Variants in ROBO1 observed in about 807,000 individuals in gnomAD.
The protein encoded by ROBO1 is roundabout guidance receptor 1, also known as roundabout homolog 1.
ROBO1 carries 149 observed loss-of-function variants against 195.9 expected under a neutral mutation model. The ratio of observed to expected loss-of-function variants is 0.76; its 90% CI spans 0.67 to 0.87. ROBO1 has a LOEUF of 0.87. Ranked by LOEUF, ROBO1 falls within the 40% of genes least tolerant of loss-of-function variation. ROBO1 has a pLI of 0.00. For missense variants in ROBO1, 1,933 were observed against 2,068.3 expected (o/e 0.93, Z 1.27); for synonymous variants, 816 against 733.2 (o/e 1.11, Z -1.82).
chr3:79,764,567 T>C (rs958415614), intron 1 of ROBO1, among the ~76,000 whole-genome samples: 1 of 152,234 alleles, frequency 6.6e-6, no homozygotes, highest in Non-Finnish European at 1.5e-5. Context: ...TTTTTTTCAT[T>C]TAAAATTCAC....
intron 4 of ROBO1, among the ~76,000 whole-genome samples, chr3:78,785,438 T>G (rs1381369730): frequency 6.6e-6 from 1 of 152,192 alleles, no homozygotes; most frequent in Non-Finnish European, 1.5e-5. Context: ...ATTTTACTGC[T>G]TCACTGCTTT....
chr3:78,811,284 T>G (rs2084730639), intron 4 of ROBO1, among the ~76,000 whole-genome samples: 1 of 152,140 alleles, frequency 6.6e-6, no homozygotes, highest in Admixed American at 6.6e-5. Flanking sequence ...TCAACTAAAG[T>G]TGGTTCAAGT....
chr3:79,020,971 G>T (rs961582682), intron 3 of ROBO1, among the ~76,000 whole-genome samples: 1 of 152,094 alleles, frequency 6.6e-6, no homozygotes, highest in African/African-American at 2.4e-5. Context: ...TTACCTAATG[G>T]AAGATAAAAA....
chr3:79,465,509 C>A (rs1937910546), intron 2 of ROBO1, among the ~76,000 whole-genome samples: 2 of 152,140 alleles, frequency 1.3e-5, no homozygotes, highest in Admixed American at 1.3e-4. Flanking sequence ...GGTTTTATAT[C>A]AAATTGAATA....
chr3:79,753,546 A>G (rs1374683514), intron 1 of ROBO1, among the ~76,000 whole-genome samples: 4 of 152,198 alleles, frequency 2.6e-5, no homozygotes, highest in African/African-American at 9.6e-5. Flanking sequence ...CCTGATGTTG[A>G]GCAAGCAGTA....
intron 4 of ROBO1, among the ~76,000 whole-genome samples, chr3:78,910,170 T>C (rs2038160717): frequency 6.6e-6 from 1 of 151,808 alleles, no homozygotes; most frequent in South Asian, 2.1e-4. Context: ...TGAAAATGAA[T>C]AATCTTCAAT....
chr3:79,587,886 C>T (rs1196018852), intron 2 of ROBO1, among the ~76,000 whole-genome samples: 2 of 151,822 alleles, frequency 1.3e-5, no homozygotes, highest in Non-Finnish European at 2.9e-5. Context: ...AAATGACTTC[C>T]ACTCTGCAGG....
intron 1 of ROBO1, among the ~76,000 whole-genome samples, chr3:79,632,510 T>A (rs1945375177): frequency 6.6e-6 from 1 of 152,082 alleles, no homozygotes. Flanking sequence ...GGTTTAAAAA[T>A]TACCCATTGG....
At chr3:78,795,584 C>A (rs1302467079) in intron 4 of ROBO1, among the ~76,000 whole-genome samples, 2 of 152,210 alleles carry the variant, frequency 1.3e-5, no homozygotes, top group Non-Finnish European at 2.9e-5. Context: ...GTGAGAGGCA[C>A]AACGGTAAAC....
At chr3:79,745,177 A>C (rs1245380833) in intron 1 of ROBO1, among the ~76,000 whole-genome samples, 1 of 152,154 alleles carries the variant, frequency 6.6e-6, no homozygotes, top group East Asian at 1.9e-4. Context: ...TTATCACCAC[A>C]TTGTCCTTGG....
At chr3:78,827,726 T>C (rs185295547) in intron 4 of ROBO1, among the ~76,000 whole-genome samples, 3 of 152,304 alleles carry the variant, frequency 2.0e-5, no homozygotes, top group African/African-American at 7.2e-5. Flanking sequence ...AATGTGCTAA[T>C]GTGGCGGCTC....
At chr3:78,783,299 T>G (rs986285822) in intron 4 of ROBO1, among the ~76,000 whole-genome samples, 1 of 152,162 alleles carries the variant, frequency 6.6e-6, no homozygotes, top group African/African-American at 2.4e-5. Context: ...AACAATATAT[T>G]TTTTTAAAAA....
At position 79,242,155 on chromosome 3, in the gene ROBO1, A is replaced by G. The variant is rs574377772; in HGVS notation, c.89-116616T>C. Among the ~76,000 whole-genome samples, 32 of 152,166 alleles carry G rather than the reference A, an allele frequency of 2.1e-4. 1 individual carries two copies. The South Asian group carries it at 6.6e-3, about 32-fold the overall frequency. Reference sequence around the variant, plus strand: ...TAGGAATTGAAGCAGCTGCCTTAGAACAAGATGTGAAATTTCTGTGTTGAA... The same window carrying G: ...TAGGAATTGAAGCAGCTGCCTTAGAGCAAGATGTGAAATTTCTGTGTTGAA... On this transcript the variant is annotated intron_variant, in intron 2 of 30. Transcript: ENST00000464233.
At chr3:79,503,043 C>T (rs755177426) in intron 2 of ROBO1, among the ~76,000 whole-genome samples, 2 of 152,134 alleles carry the variant, frequency 1.3e-5, no homozygotes, top group African/African-American at 4.8e-5. Flanking sequence ...GTGACAACCT[C>T]TCAGGTCTCT....
chr3:78,885,057 G>A (rs921967912), intron 4 of ROBO1, among the ~76,000 whole-genome samples: 1 of 151,954 alleles, frequency 6.6e-6, no homozygotes, highest in South Asian at 2.1e-4. Flanking sequence ...AGAATTCTGA[G>A]CATTCTCACT....
At chr3:79,083,695 G>A (rs1316061368) in intron 3 of ROBO1, among the ~76,000 whole-genome samples, 3 of 152,166 alleles carry the variant, frequency 2.0e-5, no homozygotes, top group African/African-American at 7.2e-5. Context: ...CCAATCAAGG[G>A]CAAAGTAATC....
At chr3:78,833,100 G>A (rs1466017323) in intron 4 of ROBO1, among the ~76,000 whole-genome samples, 1 of 152,016 alleles carries the variant, frequency 6.6e-6, no homozygotes, top group Admixed American at 6.6e-5. Context: ...ATTCTAGATA[G>A]ATCACGGTGG....
chr3:79,057,638 T>C (rs2078836666), intron 3 of ROBO1, among the ~76,000 whole-genome samples: 2 of 152,100 alleles, frequency 1.3e-5, no homozygotes, highest in Admixed American at 1.3e-4. Flanking sequence ...AACATCCCTC[T>C]GTTCTTCTCT....
At chr3:79,139,794 T>C (rs1343407472) in intron 2 of ROBO1, among the ~76,000 whole-genome samples, 1 of 152,166 alleles carries the variant, frequency 6.6e-6, no homozygotes, top group Non-Finnish European at 1.5e-5. Flanking sequence ...GCCCTGGTAT[T>C]CAAAGGCGTT....
Sources: allele counts gnomAD v4.1 joint callset (sites outside exome capture counted in the v4.1 genomes callset), GRCh38; gene constraint gnomAD v4.1.1; transcripts MANE v1.5; gene names NCBI Gene and HGNC (gene_info 2026-07-23, HGNC 2026-07-21).